The following TECR variants were observed in gnomAD, a reference collection of about 807,000 sequenced individuals.
TECR encodes the protein very-long-chain enoyl-CoA reductase.
TECR carries 19 observed loss-of-function variants against 50.6 expected under a neutral mutation model. The ratio of observed to expected loss-of-function variants is 0.38; its 90% CI spans 0.26 to 0.55. TECR has a LOEUF of 0.55. Ranked by LOEUF, TECR falls within the 20% of genes least tolerant of loss-of-function variation. The probability of loss-of-function intolerance (pLI) is 0.79; values close to 1 mark genes in which losing one functional copy is unlikely to be tolerated. For missense variants in TECR, 313 were observed against 408.3 expected, an observed-to-expected ratio of 0.77 and a Z score of 2.01; for synonymous variants, 168 against 163.5, an observed-to-expected ratio of 1.03 and a Z score of -0.21.
chr19:14,551,961 C>CTCTCTCTCTT (rs2073534430), intron 1 of TECR, among the ~76,000 whole-genome samples: 1 of 120,368 alleles, frequency 8.3e-6, no homozygotes, highest in Non-Finnish European at 1.7e-5. Context: ...CTCTCTCTCT[C>CTCTCTCTCTT]TCTCTCTCTC....
rs1376668265 is a variant in TECR at position 14,565,836 on chromosome 19, C to T, written c.892C>T (p.Pro298Ser). The change falls in exon 13 of 13, where the codon CCC (proline) becomes TCC (serine). Residue 298 changes from proline to serine, a missense_variant. Pro to Ser is a moderately conservative substitution (Grantham distance 74). Transcript: ENST00000215567. ...SYLKEFRDYP[P>S]LRMPIIPFLL ...CCTGAAGGAGTTCCGGGACTACCCG[C>T]CCCTGCGCATGCCCATCATCCCCTT... The T allele has an allele frequency of 5.6e-6, 9 of 1,598,072 alleles. No individual in the cohort carries two copies. The highest frequency in any genetic ancestry group is 1.8e-4 in the Middle Eastern group (1 of 5,658).
Position 14,543,417 on chromosome 19 carries a change from ATATTTTTTTTTTTTTTTTTTTTTTTTT to A in TECR, c.15+13708_15+13734del, listed in dbSNP as rs1465756711. 5.0e-4 allele frequency among the ~76,000 whole-genome samples: 5 copies of A among 9,996 alleles called. 1 individual carries two copies. The highest frequency in any genetic ancestry group is 9.9e-4 in the Non-Finnish European group (5 of 5,060). The allele number at this position is 9,996 out of a possible 152,430, so 6.6% of individuals were successfully genotyped here. On this transcript the variant is annotated intron_variant, in intron 1 of 12. Transcript: ENST00000215567. ...TATATATATATATATATATATATAT[ATATTTTTTTTTTTTTTTTTTTTTTTTT>A]TTTTTTTTTTTTGAGACGGAGTCTC...
At chr19:14,529,250 C>T (rs2072516358), upstream of TECR, 2 of 304,380 alleles carry the variant, frequency 6.6e-6, no homozygotes, top group South Asian at 6.0e-5. Flanking sequence ...CATGTGGATG[C>T]TGCCTTGCCT....
chr19:14,529,845 G>T (rs2072552772), intron 1 of TECR, 134 bp downstream of exon 1: 3 of 1,258,282 alleles, frequency 2.4e-6, no homozygotes, highest in Non-Finnish European at 3.4e-6. Flanking sequence ...CAGTGGGCAA[G>T]CGTTGCGCCC....
At chr19:14,544,298 C>G (rs2073227491) in intron 1 of TECR, among the ~76,000 whole-genome samples, 1 of 152,028 alleles carries the variant, frequency 6.6e-6, no homozygotes, top group Non-Finnish European at 1.5e-5. Context: ...TGTGTAAGCC[C>G]CTGGCTCTCC....
chr19:14,565,520 A>G (rs1195039339), intron 11 of TECR, 98 bp from the exon 12 acceptor site: 10 of 1,529,130 alleles, frequency 6.5e-6, no homozygotes, highest in Non-Finnish European at 8.8e-6. Flanking sequence ...TCCCTGACTC[A>G]GAAAGCAGGG....
intron 1 of TECR, among the ~76,000 whole-genome samples, chr19:14,555,349 A>G (rs531414848): frequency 6.6e-6 from 1 of 151,090 alleles, no homozygotes; most frequent in Admixed American, 6.6e-5. Flanking sequence ...CCTGGGTTCA[A>G]GCGATTCTCC....
chr19:14,535,580 A>ATG (rs2072865617), intron 1 of TECR, among the ~76,000 whole-genome samples: 1 of 38,212 alleles, frequency 2.6e-5, no homozygotes, highest in African/African-American at 7.9e-5. Flanking sequence ...ATATATATAT[A>ATG]TATATATATG....
chr19:14,557,144 T>A (rs556718717), intron 1 of TECR, among the ~76,000 whole-genome samples: 28 of 150,858 alleles, frequency 1.9e-4, no homozygotes, highest in African/African-American at 6.4e-4. Context: ...TTTATTTATT[T>A]ATTTATTTAT....
chr19:14,530,553 T>G (rs2072601130), intron 1 of TECR: 1 of 152,182 alleles, frequency 6.6e-6, no homozygotes, highest in Non-Finnish European at 1.5e-5. Context: ...TCTGTTACCT[T>G]GTATAAGAAC....
At chr19:14,540,244 A>T (rs34342397) in intron 1 of TECR, among the ~76,000 whole-genome samples, 1 of 149,266 alleles carries the variant, frequency 6.7e-6, no homozygotes, top group African/African-American at 2.5e-5. Flanking sequence ...TTTATTTTTT[A>T]TTTTTACTAG....
intron 1 of TECR, among the ~76,000 whole-genome samples, chr19:14,535,574 A>ATACGTATATATATATATACG (rs2072863613): frequency 2.7e-5 from 1 of 36,430 alleles, no homozygotes; most frequent in African/African-American, 8.5e-5. Context: ...ATATATATAT[A>ATACGTATATATATATATACG]TATATATATA....
At chr19:14,544,353 A>G (rs1449079432) in intron 1 of TECR, among the ~76,000 whole-genome samples, 2 of 152,040 alleles carry the variant, frequency 1.3e-5, no homozygotes, top group African/African-American at 4.8e-5. Flanking sequence ...TACTTGTGGA[A>G]CGAGTATGTG....
chr19:14,542,354 T>TGG (rs1480153540), intron 1 of TECR, among the ~76,000 whole-genome samples: 1 of 116,324 alleles, frequency 8.6e-6, no homozygotes, highest in African/African-American at 3.6e-5. Context: ...AGTGTTTTTT[T>TGG]TTTTTTTTTT....
rs1450769813 is a variant in TECR at position 14,543,038 on chromosome 19, A to G, written c.15+13327A>G. On this transcript the variant is annotated intron_variant, in intron 1 of 12. Transcript: ENST00000215567. ...AAAGTGAACAGGGATCACTGGCCAGAGCGTGGGATCTGGGCTTGTCCTCAG... is the reference window on the plus strand; with the variant it reads ...AAAGTGAACAGGGATCACTGGCCAGGGCGTGGGATCTGGGCTTGTCCTCAG... Among the ~76,000 whole-genome samples the G allele has an allele frequency of 3.1e-4, 26 of 84,264 alleles. 1 individual carries two copies. Among genetic ancestry groups the G allele is most frequent in the African/African-American group, 9.0e-4 (19 of 21,136 alleles). The allele number at this position is 84,264 out of a possible 152,430, so 55.3% of individuals were successfully genotyped here. A position where few individuals can be genotyped will look rare whatever the true frequency, so the allele number is the denominator to read the frequency against.
chr19:14,545,507 G>C (rs748017854), intron 1 of TECR, among the ~76,000 whole-genome samples: 19 of 152,280 alleles, frequency 1.2e-4, no homozygotes, highest in Admixed American at 6.5e-5. Context: ...GCAAGCCTAG[G>C]GGGTGGGGGG....
intron 6 of TECR, 37 bp from the exon 7 acceptor site, chr19:14,564,145 C>G (rs751845964): frequency 1.9e-6 from 3 of 1,605,668 alleles, no homozygotes; most frequent in African/African-American, 1.3e-5. Context: ...GAAGACCTGC[C>G]GGACCAGCCC....
At position 14,563,615 on chromosome 19, in the gene TECR, C is replaced by G. The variant is rs764433149; in HGVS notation, c.119-43C>G. On this transcript the variant is annotated intron_variant, in intron 3 of 12. Transcript: ENST00000215567. This position sits in a 1 kb window ranked among gnomAD's most constrained non-coding sequence, Gnocchi z 5.3. The stretch of plus-strand genomic sequence containing the variant: ...GTGGCTGGGCAGCGGACCGGCTGAG[C>G]CCTGCCAGGCTGTGGGCTGTAACTG... The G allele has an allele frequency of 2.5e-6, 4 of 1,609,724 alleles. No individual in the cohort carries two copies. Among genetic ancestry groups the G allele is most frequent in the Non-Finnish European group, 3.4e-6 (4 of 1,179,588 alleles).
At chr19:14,553,778 T>G (rs1258375031) in intron 1 of TECR, among the ~76,000 whole-genome samples, 1 of 152,108 alleles carries the variant, frequency 6.6e-6, no homozygotes, top group Non-Finnish European at 1.5e-5. Context: ...ACCTCTATGC[T>G]GGGCATTGGC....
Sources: allele counts gnomAD v4.1 joint callset (sites outside exome capture counted in the v4.1 genomes callset), GRCh38; gene constraint gnomAD v4.1.1; non-coding constraint Gnocchi (gnomAD v3.1); transcripts MANE v1.5; gene names NCBI Gene and HGNC (gene_info 2026-07-23, HGNC 2026-07-21).